PXDN: variants seen among roughly 807,000 people sequenced by gnomAD.
PXDN encodes peroxidasin homolog.
Under a neutral mutation model 140.3 loss-of-function variants are expected in PXDN, and 77 were observed. That is an observed-to-expected ratio of 0.55 (90% CI 0.46 to 0.66). The LOEUF is 0.66. PXDN is among the 30% of genes least tolerant of loss of function. PXDN has a pLI of 0.00. For synonymous variants in PXDN, 911 were observed against 857.4 expected, an observed-to-expected ratio of 1.06 and a Z score of -1.09; for missense variants, 1,838 against 2,039.5, an observed-to-expected ratio of 0.90 and a Z score of 1.90.
At chr2:1,731,271 G>A (rs992327922) in intron 1 of PXDN, among the ~76,000 whole-genome samples, 4 of 151,384 alleles carry the variant, frequency 2.6e-5, no homozygotes, top group Non-Finnish European at 5.9e-5. Flanking sequence ...AGAAGCTCAC[G>A]GTCCACTTCC....
Position 1,687,836 on chromosome 2 carries a change from T to A in PXDN, c.345-133A>T. The A allele has an allele frequency of 1.5e-6, 1 of 659,598 alleles. No individual in the cohort carries two copies. The highest frequency in any genetic ancestry group is 2.5e-6 in the Non-Finnish European group (1 of 396,584). 40.9% of individuals were successfully genotyped at this position (659,598 alleles called of 1,614,324 possible). On this transcript the variant is annotated intron_variant, in intron 3 of 22. Coordinates refer to ENST00000252804, the MANE Select transcript of PXDN (RefSeq NM_012293.3). The surrounding 1 kb of genome is among the most constrained non-coding windows in gnomAD (Gnocchi z 4.0). ...TGTATTAGAATGCAAACAAACCATC[T>A]GCACGGTGAGTACAGTGCCTCTCCC...
At chr2:1,694,704 G>A (rs1156965986) in intron 1 of PXDN, among the ~76,000 whole-genome samples, 1 of 152,294 alleles carries the variant, frequency 6.6e-6, no homozygotes, top group Non-Finnish European at 1.5e-5. Context: ...GTGGCTCCAC[G>A]GACTCTCCAC....
rs527355638 is a variant in PXDN, at chr2:1,661,331, C to T, written c.1681-294G>A. 1.5e-3 allele frequency among the ~76,000 whole-genome samples: 225 copies of T among 152,294 alleles called. 3 individuals are homozygous for T. The Middle Eastern group carries it at 0.027, about 18-fold the overall frequency. On this transcript the variant is annotated intron_variant, in intron 13 of 22. Transcript: ENST00000252804. ...GAGAAGAGGCACCAATGATGGCTCCCTTAGACACCCGCTATGGTGGGGGGC... is the reference window on the plus strand; with the variant it reads ...GAGAAGAGGCACCAATGATGGCTCCTTTAGACACCCGCTATGGTGGGGGGC...
chr2:1,662,460 G>C (rs1179648684), intron 12 of PXDN, among the ~76,000 whole-genome samples: 42 of 152,206 alleles, frequency 2.8e-4, no homozygotes, highest in Admixed American at 2.7e-3. Flanking sequence ...GACAGCCGCA[G>C]GGTCCAGGAT....
At position 1,660,800 on chromosome 2, in the gene PXDN, A is replaced by G; in HGVS notation, c.1837+81T>C. On this transcript the variant is annotated intron_variant, in intron 14 of 22. Coordinates refer to ENST00000252804, the MANE Select transcript of PXDN (RefSeq NM_012293.3). The surrounding 1 kb of genome is among the most constrained non-coding windows in gnomAD (Gnocchi z 4.6). Reference sequence around the variant, plus strand: ...GAATAATTCTGAACAGCCTAAGTCAACTGGCCTGGGACCACACTAGGGACC... The same window carrying G: ...GAATAATTCTGAACAGCCTAAGTCAGCTGGCCTGGGACCACACTAGGGACC... 2 of 1,498,334 alleles carry G rather than the reference A, an allele frequency of 1.3e-6. No individual in the cohort carries two copies. The highest frequency in any genetic ancestry group is 1.8e-6 in the Non-Finnish European group (2 of 1,114,120). The allele number at this position is 1,498,334 out of a possible 1,614,324, so 92.8% of individuals were successfully genotyped here.
At position 1,639,702 on chromosome 2, in the gene PXDN, A is replaced by G. The variant is rs1445492049; in HGVS notation, c.3953-280T>C. Among the ~76,000 whole-genome samples the G allele has an allele frequency of 6.6e-6, 1 of 152,060 alleles. No homozygotes were observed. The highest frequency in any genetic ancestry group is 1.5e-5 in the Non-Finnish European group (1 of 68,002). ...AGGAGGCTCACCACGCCATCTAACCACACCCTCGCGGAGTTCCCTCCACCC... is the reference window on the plus strand; with the variant it reads ...AGGAGGCTCACCACGCCATCTAACCGCACCCTCGCGGAGTTCCCTCCACCC... On this transcript the variant is annotated intron_variant, in intron 19 of 22. Transcript: ENST00000252804. This position sits in a 1 kb window ranked among gnomAD's most constrained non-coding sequence, Gnocchi z 5.0.
chr2:1,718,005 C>T (rs1270830430), intron 1 of PXDN, among the ~76,000 whole-genome samples: 1 of 151,792 alleles, frequency 6.6e-6, no homozygotes, highest in Non-Finnish European at 1.5e-5. Context: ...CCCAAACCTG[C>T]CCTACCCACT....
intron 1 of PXDN, among the ~76,000 whole-genome samples, chr2:1,726,686 T>A (rs188364157): frequency 1.3e-4 from 20 of 152,362 alleles, no homozygotes; most frequent in Middle Eastern, 3.4e-3. Flanking sequence ...CCTTACATGT[T>A]TTAGATGCTA....
intron 19 of PXDN, among the ~76,000 whole-genome samples, chr2:1,640,387 G>A (rs1326237482): frequency 6.6e-6 from 1 of 152,226 alleles, no homozygotes; most frequent in African/African-American, 2.4e-5. Context: ...GAAGAGGCAC[G>A]TGCAGCATAC....
At chr2:1,692,538 C>CT (rs1396769348) in intron 2 of PXDN, 2 of 471,806 alleles carry the variant, frequency 4.2e-6, no homozygotes, top group African/African-American at 4.0e-5. Context: ...CACCGTTGTG[C>CT]TCAGTCCTGG....
intron 8 of PXDN, 150 bp from the exon 9 acceptor site, chr2:1,673,962 C>T: frequency 1.3e-6 from 1 of 774,152 alleles, no homozygotes. Context: ...CCTGGCAGCC[C>T]TGACCTAACA....
intron 12 of PXDN, among the ~76,000 whole-genome samples, chr2:1,662,641 G>A (rs868759949): frequency 6.6e-6 from 1 of 152,216 alleles, no homozygotes; most frequent in Non-Finnish European, 1.5e-5. Context: ...GAGCGTGGCT[G>A]AGTGCTGGGA....
chr2:1,681,030 G>C (rs1200721716), intron 6 of PXDN, among the ~76,000 whole-genome samples: 1 of 152,206 alleles, frequency 6.6e-6, no homozygotes, highest in Non-Finnish European at 1.5e-5. Flanking sequence ...TTGTCTGGGG[G>C]ACAGAGGAGT....
At chr2:1,674,490 T>G (rs1420899066) in intron 8 of PXDN, among the ~76,000 whole-genome samples, 8 of 152,212 alleles carry the variant, frequency 5.3e-5, no homozygotes, top group Non-Finnish European at 1.0e-4. Flanking sequence ...CACCTTTGCA[T>G]GGCTTGGCCA....
intron 10 of PXDN, among the ~76,000 whole-genome samples, chr2:1,665,556 G>C (rs1304916044): frequency 6.6e-6 from 1 of 152,212 alleles, no homozygotes; most frequent in Non-Finnish European, 1.5e-5. Flanking sequence ...CACAAAAAAA[G>C]TAAATCCATG....
chr2:1,668,897 C>T (rs1021543077), intron 9 of PXDN, among the ~76,000 whole-genome samples: 1 of 152,156 alleles, frequency 6.6e-6, no homozygotes, highest in Admixed American at 6.5e-5. Flanking sequence ...GTGGCGATTC[C>T]TCAAGGATCT....
chr2:1,642,076 G>A (rs1682740046), intron 19 of PXDN, among the ~76,000 whole-genome samples: 1 of 152,116 alleles, frequency 6.6e-6, no homozygotes, highest in Admixed American at 6.5e-5. Context: ...AAATAATTTG[G>A]AAAATTGGGT....
chr2:1,648,085 CACAGAG>C lies in PXDN; in HGVS notation c.3608+81_3608+86del. On this transcript the variant is annotated intron_variant, in intron 17 of 22. Coordinates refer to ENST00000252804, the MANE Select transcript of PXDN (RefSeq NM_012293.3). This position sits in a 1 kb window ranked among gnomAD's most constrained non-coding sequence, Gnocchi z 8.9. ...CTGCACGACACGAACAAAACTCACA[CACAGAG>C]ACAAATAACACACACACCACAGTTC... 1 of 1,503,182 alleles carries C rather than the reference CACAGAG, an allele frequency of 6.7e-7. No homozygotes were observed. The highest frequency in any genetic ancestry group is 1.3e-5 in the South Asian group (1 of 77,834). The allele number at this position is 1,503,182 out of a possible 1,614,324, so 93.1% of individuals were successfully genotyped here. A position where few individuals can be genotyped will look rare whatever the true frequency, so the allele number is the denominator to read the frequency against.
At chr2:1,695,052 A>C (rs4853765) in intron 1 of PXDN, among the ~76,000 whole-genome samples, 37,721 of 152,148 alleles carry the variant, frequency 0.25, 5,018 homozygotes, top group Middle Eastern at 0.33. Flanking sequence ...TCCAGAGCAG[A>C]GGATGGAGTG....
Sources: allele counts gnomAD v4.1 joint callset (sites outside exome capture counted in the v4.1 genomes callset), GRCh38; gene constraint gnomAD v4.1.1; non-coding constraint Gnocchi (gnomAD v3.1); transcripts MANE v1.5; gene names NCBI Gene and HGNC (gene_info 2026-07-23, HGNC 2026-07-21).